The following CIMAP3 variants were observed in gnomAD, a reference collection of about 807,000 sequenced individuals.
CIMAP3 encodes ciliary microtubule associated protein 3, also known as ciliary microtubule-associated protein 3.
At chr1:111,350,181 G>T in the CIMAP3 span, 3 of 1,613,952 alleles carry the variant, frequency 1.9e-6, no homozygotes, top group East Asian at 4.5e-5. Context: ...CTCCAGACTG[G>T]GCTCAGGTTC....
the CIMAP3 span, chr1:111,348,850 A>G: frequency 8.0e-6 from 4 of 500,288 alleles, no homozygotes; most frequent in Non-Finnish European, 1.3e-5. Flanking sequence ...ATGAATTTTT[A>G]TTAACATGCC....
the CIMAP3 span, among the ~76,000 whole-genome samples, chr1:111,330,346 A>G: frequency 6.8e-6 from 1 of 147,740 alleles, no homozygotes; most frequent in African/African-American, 2.5e-5. Flanking sequence ...TAGATTGAGT[A>G]CAATCACTAC....
chr1:111,342,272 G>A, the CIMAP3 span, among the ~76,000 whole-genome samples: 1,205 of 152,276 alleles, frequency 7.9e-3, 15 homozygotes, highest in African/African-American at 0.027. Context: ...CATTTTCAAA[G>A]TGCTGAAAGA....
chr1:111,345,120 G>A, the CIMAP3 span, among the ~76,000 whole-genome samples: 3 of 152,102 alleles, frequency 2.0e-5, no homozygotes, highest in Non-Finnish European at 4.4e-5. Context: ...TATGACGTTC[G>A]CAAAACAAAG....
At chr1:111,326,357 C>T in the CIMAP3 span, among the ~76,000 whole-genome samples, 1 of 152,110 alleles carries the variant, frequency 6.6e-6, no homozygotes, top group East Asian at 1.9e-4. Context: ...TATTCTCTAC[C>T]TTTATGAGAT....
At chr1:111,333,770 G>A in the CIMAP3 span, among the ~76,000 whole-genome samples, 2 of 152,158 alleles carry the variant, frequency 1.3e-5, no homozygotes, top group Non-Finnish European at 2.9e-5. Context: ...TGATACTCTG[G>A]TCAAATCTTA....
chr1:111,327,156 T>C, the CIMAP3 span, among the ~76,000 whole-genome samples: 3 of 152,210 alleles, frequency 2.0e-5, no homozygotes, highest in Non-Finnish European at 4.4e-5. Flanking sequence ...CATAAAGTCT[T>C]TGCCTAGACC....
the CIMAP3 span, chr1:111,347,703 G>T: frequency 6.2e-7 from 1 of 1,600,474 alleles, no homozygotes; most frequent in Non-Finnish European, 8.5e-7. Context: ...ACTTATCTAA[G>T]ATCCCAACCA....
the CIMAP3 span, among the ~76,000 whole-genome samples, chr1:111,330,609 C>T: frequency 6.6e-6 from 1 of 152,198 alleles, no homozygotes; most frequent in African/African-American, 2.4e-5. Context: ...TTGCAGAGTT[C>T]TTCTCCCACT....
the CIMAP3 span, among the ~76,000 whole-genome samples, chr1:111,332,136 C>A: frequency 6.6e-6 from 1 of 152,256 alleles, no homozygotes; most frequent in Admixed American, 6.5e-5. Flanking sequence ...AGGATTGGAG[C>A]CACATGGCTG....
chr1:111,350,260 C>T, the CIMAP3 span: 12 of 1,491,030 alleles, frequency 8.0e-6, no homozygotes, highest in Admixed American at 1.7e-5. Flanking sequence ...GACTCTTATT[C>T]GATCTAGTAC....
the CIMAP3 span, among the ~76,000 whole-genome samples, chr1:111,329,985 T>C: frequency 6.8e-6 from 1 of 147,972 alleles, no homozygotes; most frequent in Non-Finnish European, 1.5e-5. Flanking sequence ...TATTCTGGTG[T>C]CAATATTTGT....
the CIMAP3 span, among the ~76,000 whole-genome samples, chr1:111,340,565 T>G: frequency 6.6e-6 from 1 of 152,030 alleles, no homozygotes; most frequent in Non-Finnish European, 1.5e-5. Context: ...CAGACACTTC[T>G]CAAAAGAAGA....
chr1:111,343,944 C>T, the CIMAP3 span, among the ~76,000 whole-genome samples: 3 of 152,156 alleles, frequency 2.0e-5, no homozygotes, highest in Non-Finnish European at 2.9e-5. Flanking sequence ...TGCTTTCTTT[C>T]GCTTCCCTAT....
the CIMAP3 span, chr1:111,346,802 C>T: frequency 2.6e-6 from 4 of 1,567,966 alleles, no homozygotes; most frequent in East Asian, 2.2e-5. Flanking sequence ...TGTAAGCGCA[C>T]GGTTGGGCCC....
At chr1:111,335,635 C>T in the CIMAP3 span, among the ~76,000 whole-genome samples, 160 of 152,330 alleles carry the variant, frequency 1.1e-3, 1 homozygote, top group Non-Finnish European at 1.9e-3. Flanking sequence ...AAGGGGGCAG[C>T]GAGGCTGGGG....
At chr1:111,345,704 C>T in the CIMAP3 span, among the ~76,000 whole-genome samples, 60 of 152,314 alleles carry the variant, frequency 3.9e-4, no homozygotes, top group African/African-American at 1.4e-3. Flanking sequence ...ATGGACCAGT[C>T]ACACTGGGTG....
the CIMAP3 span, among the ~76,000 whole-genome samples, chr1:111,325,586 G>T: frequency 6.6e-6 from 1 of 152,032 alleles, no homozygotes; most frequent in African/African-American, 2.4e-5. Context: ...CCTAAAATTA[G>T]AATTAATTCA....
the CIMAP3 span, among the ~76,000 whole-genome samples, chr1:111,337,736 C>G: frequency 6.6e-6 from 1 of 152,148 alleles, no homozygotes; most frequent in African/African-American, 2.4e-5. Context: ...GACTCCCACA[C>G]AACAATAATG....
Sources: gnomAD v4.1 joint callset for allele counts (sites outside exome capture counted in the v4.1 genomes callset) on GRCh38, gnomAD v4.1.1 for gene constraint, MANE v1.5 for transcripts, NCBI Gene and HGNC (gene_info 2026-07-23, HGNC 2026-07-21) for gene names.